The following SHOC1 variants were observed in gnomAD, a reference collection of about 807,000 sequenced individuals.
SHOC1 encodes protein shortage in chiasmata 1 ortholog.
SHOC1 carries 136 observed loss-of-function variants against 179.2 expected under a neutral mutation model. The observed-to-expected ratio is 0.76, with a 90% CI of 0.66 to 0.87. The LOEUF (loss-of-function observed/expected upper bound fraction) is 0.87. SHOC1 is among the 40% of genes least tolerant of loss of function. SHOC1 has a pLI of 0.00. For missense variants in SHOC1, 1,538 were observed against 1,700.8 expected, an observed-to-expected ratio of 0.90 and a Z score of 1.68; for synonymous variants, 489 against 586.6, an observed-to-expected ratio of 0.83 and a Z score of 2.41.
chr9:111,711,169 G>A (rs1832526725), intron 18 of SHOC1, among the ~76,000 whole-genome samples: 1 of 152,102 alleles, frequency 6.6e-6, no homozygotes, highest in African/African-American at 2.4e-5. Flanking sequence ...AAAGGATAAA[G>A]AACAGAGAGA....
chr9:111,765,141 A>T (rs1214447648), intron 5 of SHOC1, among the ~76,000 whole-genome samples: 4 of 96,620 alleles, frequency 4.1e-5, no homozygotes, highest in Admixed American at 3.8e-4. Context: ...ACTCCGTCTC[A>T]AAAAAAAAAA....
chr9:111,775,909 A>C lies in SHOC1; in HGVS notation c.324T>G (p.Asn108Lys). The change falls in exon 5 of 28, where the codon AAT (asparagine) becomes AAG (lysine). Residue 108 changes from asparagine to lysine, a missense_variant. Coordinates refer to ENST00000682961, the MANE Select transcript of SHOC1 (RefSeq NM_001378211.1). ...CCTCTACTTCAATTTGGGAGTCTGGATTTGAACTTGGAACAACTTCCTCAA... is the reference window on the plus strand; with the variant it reads ...CCTCTACTTCAATTTGGGAGTCTGGCTTTGAACTTGGAACAACTTCCTCAA... ...CEFEEVVPSS[N>K]PDSQIEVEEV... 4 of 1,613,820 alleles carry C rather than the reference A, an allele frequency of 2.5e-6. No individual in the cohort carries two copies. The East Asian group carries it at 8.9e-5, about 36-fold the overall frequency.
chr9:111,741,504 T>C lies in SHOC1; in HGVS notation c.1146A>G (p.Arg382=). Residue 382 remains arginine (R), a synonymous_variant, in exon 11 of 28, where the codon AGA becomes AGG. Transcript: ENST00000682961. Reference sequence around the variant, plus strand: ...TAAGCAAAAATGGGTTCAAAGGGCTTCTACATCTTTCTAATTGCCACATCA... The same window carrying C: ...TAAGCAAAAATGGGTTCAAAGGGCTCCTACATCTTTCTAATTGCCACATCA... The part of the protein sequence containing the change: ...YYMMWQLERC[R]SPLNPFLLTV... The C allele has an allele frequency of 6.2e-7, 1 of 1,612,160 alleles. No homozygotes were observed. The highest frequency in any genetic ancestry group is 8.5e-7 in the Non-Finnish European group (1 of 1,178,716).
rs1439015408 is a variant in SHOC1, at chr9:111,738,615, T to A, written c.1175-93A>T. ...ACAGAACCACACTGGAATTTCTTTA[T>A]GAAATGCATTTTTATGCATTAGAAA... On this transcript the variant is annotated intron_variant, in intron 11 of 27. Coordinates refer to ENST00000682961, the MANE Select transcript of SHOC1 (RefSeq NM_001378211.1). The A allele has an allele frequency of 5.0e-6, 6 of 1,190,682 alleles. No homozygotes were observed. The African/African-American group carries it at 8.0e-5, about 16-fold the overall frequency. The allele number at this position is 1,190,682 out of a possible 1,614,324, so 73.8% of individuals were successfully genotyped here.
chr9:111,686,479 A>T lies in SHOC1; in HGVS notation c.*291T>A, dbSNP rs1046205467. 1 of 181,140 alleles carries T rather than the reference A, an allele frequency of 5.5e-6. No homozygotes were observed. 11.2% of individuals were successfully genotyped at this position (181,140 alleles called of 1,614,324 possible). A position where few individuals can be genotyped will look rare whatever the true frequency, so the allele number is the denominator to read the frequency against. ...GTGATGATCTTCACTTCCTGACTCA[A>T]AGGGTCAGACTGTGATGGAGACTCA... is the stretch of plus-strand genomic sequence containing the variant. On this transcript the variant is annotated 3_prime_UTR_variant, in exon 28 of 28. Transcript: ENST00000682961.
intron 10 of SHOC1, among the ~76,000 whole-genome samples, chr9:111,745,842 A>AT (rs1423322043): frequency 6.6e-6 from 1 of 152,242 alleles, no homozygotes. Flanking sequence ...TCCAGTGGCA[A>AT]TGTCCTAAGC....
chr9:111,691,534 C>G lies in SHOC1; in HGVS notation c.4426+17G>C. Reference sequence around the variant, plus strand: ...TTAAATTTGAGAGTAGTTTTATCAACTATTGGATAGTGTTACCTGTTAATG... The same window carrying G: ...TTAAATTTGAGAGTAGTTTTATCAAGTATTGGATAGTGTTACCTGTTAATG... On this transcript the variant is annotated intron_variant, in intron 27 of 27. Coordinates refer to ENST00000682961, the MANE Select transcript of SHOC1 (RefSeq NM_001378211.1). 6.4e-7 allele frequency: 1 copy of G among 1,572,210 alleles called. No individual in the cohort carries two copies. The highest frequency in any genetic ancestry group is 8.6e-7 in the Non-Finnish European group (1 of 1,160,282).
In SHOC1 at chr9:111,748,215, C is replaced by T. The variant is rs990225243; in HGVS notation, c.863-16G>A. 5 of 1,540,734 alleles carry T rather than the reference C, an allele frequency of 3.2e-6. No individual in the cohort carries two copies. Among genetic ancestry groups the T allele is most frequent in the South Asian group, 1.1e-5 (1 of 88,758 alleles). ...TTAGTAAGATCTGAAAAGGAAGAAACTCTGTTATTAGCAAATGTACCATTA... is the reference window on the plus strand; with the variant it reads ...TTAGTAAGATCTGAAAAGGAAGAAATTCTGTTATTAGCAAATGTACCATTA... On this transcript the variant is annotated splice_polypyrimidine_tract_variant and intron_variant, in intron 8 of 27. Transcript: ENST00000682961.
chr9:111,782,719 A>C (rs539734998), intron 3 of SHOC1, among the ~76,000 whole-genome samples: 6 of 152,144 alleles, frequency 3.9e-5, no homozygotes, highest in South Asian at 2.1e-4. Context: ...AGGTCTAAAA[A>C]AAAAACAAAA....
intron 10 of SHOC1, among the ~76,000 whole-genome samples, chr9:111,743,467 CCCAGCATAT>C (rs568157387): frequency 4.3e-4 from 66 of 152,272 alleles, no homozygotes; most frequent in Admixed American, 2.4e-3. Flanking sequence ...CATCCCTTTG[CCCAGCATAT>C]CCACACTATA....
chr9:111,736,188 C>T (rs1260763624), intron 12 of SHOC1, among the ~76,000 whole-genome samples: 1 of 152,184 alleles, frequency 6.6e-6, no homozygotes, highest in East Asian at 1.9e-4. Flanking sequence ...CTATCAACAT[C>T]ATTTTCCACA....
At chr9:111,767,478 C>T (rs1193185594) in intron 5 of SHOC1, among the ~76,000 whole-genome samples, 1 of 152,114 alleles carries the variant, frequency 6.6e-6, no homozygotes, top group Non-Finnish European at 1.5e-5. Context: ...GTGCCTTTGT[C>T]AAAGATGAGT....
At chr9:111,750,948 A>AT (rs1369847759) in intron 8 of SHOC1, among the ~76,000 whole-genome samples, 2 of 151,800 alleles carry the variant, frequency 1.3e-5, no homozygotes, top group Admixed American at 6.6e-5. Context: ...TATTGCCTAG[A>AT]TTTTTTTCTA....
chr9:111,758,133 T>C lies in SHOC1; in HGVS notation c.659A>G (p.Lys220Arg). The C allele has an allele frequency of 6.3e-7, 1 of 1,590,446 alleles. No individual in the cohort carries two copies. Among genetic ancestry groups the C allele is most frequent in the Non-Finnish European group, 8.6e-7 (1 of 1,166,754 alleles). ...AFVKEDFCMD[K>R]VNFCQEKLED... ...TAGTTTCTCTTGACAAAAGTTCACT[T>C]TATCCATACAAAAATCTTCTTTCAC... Residue 220 changes from lysine (K) to arginine (R), a missense_variant, in exon 7 of 28, where the codon AAA becomes AGA. Transcript: ENST00000682961.
chr9:111,743,816 A>T (rs1213897666), intron 10 of SHOC1, among the ~76,000 whole-genome samples: 4 of 152,200 alleles, frequency 2.6e-5, no homozygotes, highest in Non-Finnish European at 5.9e-5. Flanking sequence ...TCCCGGCATA[A>T]AGGGGGACTA....
intron 16 of SHOC1, among the ~76,000 whole-genome samples, chr9:111,715,941 G>A (rs2131389202): frequency 6.6e-6 from 1 of 152,098 alleles, no homozygotes; most frequent in East Asian, 1.9e-4. Flanking sequence ...GCTTGGGAGA[G>A]GGAGCAAACT....
chr9:111,700,322 T>C (rs1474812674), intron 23 of SHOC1, among the ~76,000 whole-genome samples: 1 of 145,714 alleles, frequency 6.9e-6, no homozygotes, highest in Non-Finnish European at 1.5e-5. Flanking sequence ...CTTTCCTGAC[T>C]CCAGGGATGG....
At chr9:111,688,749 T>TTAG (rs1341387138) in intron 27 of SHOC1, among the ~76,000 whole-genome samples, 2 of 152,130 alleles carry the variant, frequency 1.3e-5, no homozygotes, top group Non-Finnish European at 2.9e-5. Flanking sequence ...AAAAATGGTA[T>TTAG]TAGTAGCTCA....
At chr9:111,779,150 A>G (rs1835944965) in intron 4 of SHOC1, among the ~76,000 whole-genome samples, 1 of 151,702 alleles carries the variant, frequency 6.6e-6, no homozygotes, top group Admixed American at 6.6e-5. Context: ...GCACAGATAC[A>G]TGTGACAACA....
Sources: gnomAD v4.1 joint callset for allele counts (sites outside exome capture counted in the v4.1 genomes callset) on GRCh38, gnomAD v4.1.1 for gene constraint, MANE v1.5 for transcripts, NCBI Gene and HGNC (gene_info 2026-07-23, HGNC 2026-07-21) for gene names.